FNDC3A: variants seen among roughly 807,000 people sequenced by gnomAD.
The protein encoded by FNDC3A is fibronectin type III domain containing 3A.
A neutral mutation model predicts 148.9 loss-of-function variants in FNDC3A; 32 were observed. That is an observed-to-expected ratio of 0.21 (90% CI 0.16 to 0.29). The LOEUF is 0.29. Among genes scored for constraint, FNDC3A ranks in the 10% least tolerant of loss-of-function variants. FNDC3A has a pLI of 1.00. For missense variants in FNDC3A, 1,191 were observed against 1,452.8 expected, an observed-to-expected ratio of 0.82 and a Z score of 2.93; for synonymous variants, 472 against 473.6, an observed-to-expected ratio of 1.00 and a Z score of 0.04.
chr13:49,053,970 C>A (rs1252947601), intron 2 of FNDC3A, among the ~76,000 whole-genome samples: 2 of 152,128 alleles, frequency 1.3e-5, no homozygotes, highest in African/African-American at 4.8e-5. Flanking sequence ...TCATGTGATG[C>A]TACACTAGAG....
intron 3 of FNDC3A, among the ~76,000 whole-genome samples, chr13:49,095,986 A>C (rs1294277348): frequency 1.3e-5 from 2 of 152,104 alleles, no homozygotes; most frequent in African/African-American, 4.8e-5. Flanking sequence ...GACACTACCT[A>C]GATATATAGA....
chr13:48,990,307 C>G (rs925879216), intron 1 of FNDC3A, among the ~76,000 whole-genome samples: 7 of 151,656 alleles, frequency 4.6e-5, no homozygotes, highest in African/African-American at 1.7e-4. Context: ...TAAATAGAGT[C>G]CTTCAAGCAG....
chr13:49,070,200 C>T (rs912945744), intron 2 of FNDC3A, among the ~76,000 whole-genome samples: 7 of 151,938 alleles, frequency 4.6e-5, no homozygotes, highest in Non-Finnish European at 1.0e-4. Flanking sequence ...GGCATGATCT[C>T]GGCTCACTGC....
intron 2 of FNDC3A, among the ~76,000 whole-genome samples, chr13:49,019,557 C>A (rs1435095309): frequency 1.3e-5 from 2 of 152,218 alleles, no homozygotes; most frequent in African/African-American, 4.8e-5. Context: ...AGAAATCACC[C>A]ATCTTCTGCG....
At chr13:49,116,326 CTA>C (rs1880954493) in intron 4 of FNDC3A, among the ~76,000 whole-genome samples, 2 of 152,112 alleles carry the variant, frequency 1.3e-5, no homozygotes, top group Admixed American at 1.3e-4. Context: ...TTTCCTGAGA[CTA>C]TGAATTCTTA....
chr13:49,101,802 T>G (rs938057809), intron 3 of FNDC3A, among the ~76,000 whole-genome samples: 13 of 151,214 alleles, frequency 8.6e-5, no homozygotes, highest in East Asian at 1.9e-4. Context: ...TAGTTTTTTT[T>G]TTTTTTTTTT....
chr13:49,031,347 A>AACC (rs1052102139), intron 2 of FNDC3A, among the ~76,000 whole-genome samples: 1 of 152,206 alleles, frequency 6.6e-6, no homozygotes, highest in Non-Finnish European at 1.5e-5. Context: ...TCACCACTGC[A>AACC]TGATCAGCCT....
In FNDC3A at chr13:49,191,204, T is replaced by C. The variant is rs117944892; in HGVS notation, c.2051-5T>C. On this transcript the variant is annotated splice_region_variant and splice_polypyrimidine_tract_variant and intron_variant, in intron 18 of 25. Coordinates refer to ENST00000492622, the MANE Select transcript of FNDC3A (RefSeq NM_001079673.2). Reference sequence around the variant, plus strand: ...TTAAATTGCATTAATCTTTCCATCTTTTAGGACCCCCTCTGGTTGATGGTG... The same window carrying C: ...TTAAATTGCATTAATCTTTCCATCTCTTAGGACCCCCTCTGGTTGATGGTG... 22 of 1,606,140 alleles carry C rather than the reference T, an allele frequency of 1.4e-5. No homozygotes were observed. The highest frequency in any genetic ancestry group is 1.8e-5 in the Non-Finnish European group (21 of 1,176,636).
At chr13:49,121,183 TAAGAAACTC>T (rs1452107266) in intron 4 of FNDC3A, among the ~76,000 whole-genome samples, 1 of 152,156 alleles carries the variant, frequency 6.6e-6, no homozygotes, top group Non-Finnish European at 1.5e-5. Flanking sequence ...AACTCAGGAT[TAAGAAACTC>T]ACTCAAAACC....
At chr13:49,086,049 AT>A (rs1878790321) in intron 3 of FNDC3A, among the ~76,000 whole-genome samples, 1 of 152,004 alleles carries the variant, frequency 6.6e-6, no homozygotes, top group Admixed American at 6.6e-5. Flanking sequence ...TGCCCGGCTA[AT>A]TTTTGTATTT....
chr13:49,120,253 G>A (rs529279377), intron 4 of FNDC3A, among the ~76,000 whole-genome samples: 4 of 152,242 alleles, frequency 2.6e-5, no homozygotes, highest in South Asian at 2.1e-4. Flanking sequence ...CTTCATAAGC[G>A]AAGGAGAAAT....
intron 8 of FNDC3A, among the ~76,000 whole-genome samples, chr13:49,160,597 G>GT (rs1039242474): frequency 2.6e-4 from 39 of 151,602 alleles, no homozygotes; most frequent in African/African-American, 9.4e-4. Context: ...TTTTTGAAGG[G>GT]TTTTTTTGTG....
Position 49,131,342 on chromosome 13 carries a change from A to G in FNDC3A, c.458A>G (p.Gln153Arg). Residue 153 changes from glutamine (Q) to arginine (R), a missense_variant, in exon 5 of 26, where the codon CAG (glutamine) becomes CGG (arginine). Gln to Arg is a conservative substitution (Grantham distance 43). Transcript: ENST00000492622. ...AGDMTTQYMP[Q>R]YQSSQVYGDV... Reference sequence around the variant, plus strand: ...GACATGACAACACAGTATATGCCACAGTATCAGTCTTCACAAGTCTATGGA... The same window carrying G: ...GACATGACAACACAGTATATGCCACGGTATCAGTCTTCACAAGTCTATGGA... The G allele has an allele frequency of 6.2e-7, 1 of 1,613,632 alleles. No homozygotes were observed. Among genetic ancestry groups the G allele is most frequent in the Non-Finnish European group, 8.5e-7 (1 of 1,179,564 alleles).
chr13:49,091,103 T>G (rs1879163143), intron 3 of FNDC3A, among the ~76,000 whole-genome samples: 1 of 152,052 alleles, frequency 6.6e-6, no homozygotes, highest in African/African-American at 2.4e-5. Context: ...GGCAAAGAGA[T>G]AGTCTACAAC....
intron 3 of FNDC3A, among the ~76,000 whole-genome samples, chr13:49,102,435 ATAGTGTTG>A (rs1052570753): frequency 1.3e-5 from 2 of 152,194 alleles, no homozygotes; most frequent in Non-Finnish European, 2.9e-5. Flanking sequence ...TTAGGGCATA[ATAGTGTTG>A]GGTTTTCCAT....
chr13:48,975,772 C>A (rs1951585691), upstream of FNDC3A: 1 of 152,000 alleles, frequency 6.6e-6, no homozygotes, highest in Non-Finnish European at 1.5e-5. Context: ...CCGCCACGCG[C>A]CGGTGGCCCC....
At chr13:49,006,911 A>G (rs1231515870) in intron 2 of FNDC3A, among the ~76,000 whole-genome samples, 4 of 152,090 alleles carry the variant, frequency 2.6e-5, no homozygotes, top group Non-Finnish European at 4.4e-5. Flanking sequence ...GAGGAAACAA[A>G]CACTAAAAAC....
At chr13:49,152,211 TG>T (rs1231555571) in intron 8 of FNDC3A, among the ~76,000 whole-genome samples, 1 of 152,250 alleles carries the variant, frequency 6.6e-6, no homozygotes, top group Non-Finnish European at 1.5e-5. Context: ...AAAGCATTCC[TG>T]TAACTCCACA....
intron 13 of FNDC3A, among the ~76,000 whole-genome samples, chr13:49,176,330 T>C (rs1037196687): frequency 3.9e-5 from 6 of 152,302 alleles, no homozygotes; most frequent in African/African-American, 1.4e-4. Flanking sequence ...TGGGCTTTTT[T>C]TGGTTGGTAG....
Sources: allele counts gnomAD v4.1 joint callset (sites outside exome capture counted in the v4.1 genomes callset), GRCh38; gene constraint gnomAD v4.1.1; transcripts MANE v1.5; gene names NCBI Gene and HGNC (gene_info 2026-07-23, HGNC 2026-07-21).